Variants in TRIM23 observed in about 807,000 individuals in gnomAD.
The protein encoded by TRIM23 is tripartite motif containing 23.
A neutral mutation model predicts 71.0 loss-of-function variants in TRIM23; 27 were observed. The observed-to-expected ratio is 0.38, with a 90% CI of 0.28 to 0.52. TRIM23 has a LOEUF of 0.52. Ranked by LOEUF, TRIM23 falls within the 20% of genes least tolerant of loss-of-function variation. The pLI is 0.84. For synonymous variants in TRIM23, 234 were observed against 238.0 expected (o/e 0.98, Z 0.16); for missense variants, 482 against 692.3 (o/e 0.70, Z 3.41).
intron 7 of TRIM23, among the ~76,000 whole-genome samples, chr5:65,604,490 T>C (rs1325429911): frequency 1.3e-5 from 2 of 152,074 alleles, no homozygotes; most frequent in Non-Finnish European, 1.5e-5. Context: ...TAATATGATA[T>C]TAGGATTTGC....
intron 3 of TRIM23, 36 bp from the exon 4 acceptor site, chr5:65,611,917 C>T (rs762599494): frequency 2.5e-6 from 4 of 1,590,378 alleles, no homozygotes; most frequent in Non-Finnish European, 3.4e-6. Flanking sequence ...AAAATTGAAC[C>T]CAATCAGTAT....
chr5:65,595,333 G>A (rs569496724), intron 9 of TRIM23, among the ~76,000 whole-genome samples: 17 of 152,040 alleles, frequency 1.1e-4, no homozygotes, highest in South Asian at 8.3e-4. Context: ...CAAGACGGGC[G>A]GATCACGAGG....
At position 65,620,742 on chromosome 5, in the gene TRIM23, T is replaced by A. The variant is rs558853221; in HGVS notation, c.82-2487A>T. ...TTATTCATATATACACATACTTCAA[T>A]TTATCCTACATTTTTTAAAAAGGGG... On this transcript the variant is annotated intron_variant, in intron 1 of 10. Coordinates refer to ENST00000231524, the MANE Select transcript of TRIM23 (RefSeq NM_001656.4). 1.1e-4 allele frequency among the ~76,000 whole-genome samples: 17 copies of A among 151,378 alleles called. No homozygotes were observed. In the East Asian group the frequency reaches 3.1e-3, roughly 28 times the overall value.
Position 65,596,430 on chromosome 5 carries a change from T to C in TRIM23, c.1411A>G (p.Asn471Asp), listed in dbSNP as rs1426722088. Reference sequence around the variant, plus strand: ...CATTTTTAACTCTCACCTTGAGTATTGAGGTAATAATGTTTCCACAATGGT... The same window carrying C: ...CATTTTTAACTCTCACCTTGAGTATCGAGGTAATAATGTTTCCACAATGGT... ...LRPLWKHYYL[N>D]TQAVVFVVDS... Residue 471 changes from asparagine (N) to aspartate (D), a missense_variant, in exon 9 of 11, where the codon AAT becomes GAT. By Grantham distance (23) the Asn-to-Asp change is conservative. Coordinates refer to ENST00000231524, the MANE Select transcript of TRIM23 (RefSeq NM_001656.4). The C allele has an allele frequency of 6.3e-7, 1 of 1,589,054 alleles. No homozygotes were observed. The highest frequency in any genetic ancestry group is 8.6e-7 in the Non-Finnish European group (1 of 1,159,150).
intron 2 of TRIM23, 87 bp from the exon 3 acceptor site, chr5:65,614,306 A>T: frequency 8.0e-7 from 1 of 1,245,948 alleles, no homozygotes; most frequent in East Asian, 2.4e-5. Context: ...TTTCTAATAT[A>T]GTTCAGTAGT....
rs745386520 is a variant in TRIM23, at chr5:65,610,897, G to C, written c.792C>G (p.Ile264Met). 14 of 1,611,602 alleles carry C rather than the reference G, an allele frequency of 8.7e-6. No individual in the cohort carries two copies. The highest frequency in any genetic ancestry group is 1.1e-5 in the Non-Finnish European group (13 of 1,179,266). Residue 264 changes from isoleucine (I) to methionine (M), a missense_variant, in exon 5 of 11, where the codon ATC (isoleucine) becomes ATG (methionine). Transcript: ENST00000231524. ...IVQHIEGGEQ[I>M]VEDGIGMAHT... ...GAGCCATTCCAATTCCATCTTCCAC[G>C]ATTTGTTCTCCTCCTTCAATGTGCT... is the stretch of plus-strand genomic sequence containing the variant.
rs1561756098 is a variant in TRIM23, at chr5:65,624,330, G to C, written c.-56C>G. ...TTCAGAGTCCTCAACTGAGAGGCGGGGTTGAGCCACCTACCCAGAGGCCTC... is the reference window on the plus strand; with the variant it reads ...TTCAGAGTCCTCAACTGAGAGGCGGCGTTGAGCCACCTACCCAGAGGCCTC... On this transcript the variant is annotated 5_prime_UTR_variant, in exon 1 of 11. Coordinates refer to ENST00000231524, the MANE Select transcript of TRIM23 (RefSeq NM_001656.4). 4 of 1,591,074 alleles carry C rather than the reference G, an allele frequency of 2.5e-6. No homozygotes were observed. Among genetic ancestry groups the C allele is most frequent in the East Asian group, 4.6e-5 (2 of 43,792 alleles).
intron 10 of TRIM23, among the ~76,000 whole-genome samples, chr5:65,593,283 A>C (rs1292894365): frequency 6.6e-6 from 1 of 151,988 alleles, no homozygotes; most frequent in African/African-American, 2.4e-5. Context: ...AAAAATACAA[A>C]AGTTAGCCGG....
chr5:65,590,811 T>A lies in TRIM23; in HGVS notation c.*958A>T. The A allele has an allele frequency of 1.0e-6, 1 of 985,466 alleles. No homozygotes were observed. Among genetic ancestry groups the A allele is most frequent in the Non-Finnish European group, 1.2e-6 (1 of 829,976 alleles). The allele number at this position is 985,466 out of a possible 1,614,324, so 61.0% of individuals were successfully genotyped here. A position where few individuals can be genotyped will look rare whatever the true frequency, so the allele number is the denominator to read the frequency against. On this transcript the variant is annotated 3_prime_UTR_variant, in exon 11 of 11. Coordinates refer to ENST00000231524, the MANE Select transcript of TRIM23 (RefSeq NM_001656.4). The stretch of plus-strand genomic sequence containing the variant: ...AACAGTTTGAAGTAAGTAATAAGCA[T>A]TTGCCACTGTACTTACAACTTCTCT...
intron 7 of TRIM23, among the ~76,000 whole-genome samples, chr5:65,602,071 T>C (rs981119524): frequency 3.3e-5 from 5 of 152,272 alleles, no homozygotes; most frequent in African/African-American, 1.2e-4. Context: ...TTGCTACTTA[T>C]GCAAATTTCT....
chr5:65,616,079 A>G (rs1754770884), intron 2 of TRIM23, among the ~76,000 whole-genome samples: 1 of 152,210 alleles, frequency 6.6e-6, no homozygotes, highest in Non-Finnish European at 1.5e-5. Context: ...TCACTGATCA[A>G]TGAACATCAC....
intron 7 of TRIM23, among the ~76,000 whole-genome samples, chr5:65,601,280 G>A (rs898551821): frequency 6.6e-6 from 1 of 152,144 alleles, no homozygotes; most frequent in Non-Finnish European, 1.5e-5. Context: ...ACAAAATGTG[G>A]TATACACATT....
intron 1 of TRIM23, among the ~76,000 whole-genome samples, chr5:65,621,798 G>GATT (rs112686367): frequency 0.64 from 96,440 of 150,870 alleles, 31,136 homozygotes; most frequent in African/African-American, 0.69. Context: ...TAATCAATCA[G>GATT]ATATTTTATT....
At position 65,591,656 on chromosome 5, in the gene TRIM23, T is replaced by TATATATATAC; in HGVS notation, c.*112_*113insGTATATATAT. Reference sequence around the variant, plus strand: ...AATCCAAGATTCCTTTATATATATATATATATATATGCATCCTAAATTACC... The same window carrying TATATATATAC: ...AATCCAAGATTCCTTTATATATATATATATATATACATATATATATGCATCCTAAATTACC... On this transcript the variant is annotated 3_prime_UTR_variant, in exon 11 of 11. Transcript: ENST00000231524. 2.1e-6 allele frequency: 2 copies of TATATATATAC among 944,892 alleles called. No individual in the cohort carries two copies. The highest frequency in any genetic ancestry group is 2.8e-6 in the Non-Finnish European group (2 of 710,296). 58.5% of individuals were successfully genotyped at this position (944,892 alleles called of 1,614,324 possible). A position where few individuals can be genotyped will look rare whatever the true frequency, so the allele number is the denominator to read the frequency against.
At position 65,605,278 on chromosome 5, in the gene TRIM23, A is replaced by C. The variant is rs147917311; in HGVS notation, c.1045-233T>G. ...GGAACACTACATCACAGTGAGAATA[A>C]ACCATAGCTACACGTGATGATAGAA... On this transcript the variant is annotated intron_variant, in intron 6 of 10. Coordinates refer to ENST00000231524, the MANE Select transcript of TRIM23 (RefSeq NM_001656.4). Among the ~76,000 whole-genome samples, 6 of 152,356 alleles carry C rather than the reference A, an allele frequency of 3.9e-5. No homozygotes were observed. In the East Asian group the frequency reaches 1.2e-3, roughly 29 times the overall value.
chr5:65,604,086 C>T (rs1363842285), intron 7 of TRIM23, among the ~76,000 whole-genome samples: 2 of 151,800 alleles, frequency 1.3e-5, no homozygotes, highest in Non-Finnish European at 2.9e-5. Context: ...GCCACCATGC[C>T]CAATTATGTT....
chr5:65,593,200 T>C (rs1166418973), intron 10 of TRIM23, among the ~76,000 whole-genome samples: 3 of 152,116 alleles, frequency 2.0e-5, no homozygotes, highest in Non-Finnish European at 2.9e-5. Context: ...TTTGGGAGGA[T>C]GAGGCGGGCA....
intron 2 of TRIM23, among the ~76,000 whole-genome samples, chr5:65,614,506 G>A (rs1271368618): frequency 1.3e-5 from 2 of 152,016 alleles, no homozygotes; most frequent in East Asian, 1.9e-4. Context: ...AGGCTGAGGC[G>A]GACAGATCAC....
In TRIM23 at chr5:65,624,327, C is replaced by CG. The variant is rs1212296223; in HGVS notation, c.-54dup. ...GCCTTCAGAGTCCTCAACTGAGAGGCGGGGTTGAGCCACCTACCCAGAGGC... is the reference window on the plus strand; with the variant it reads ...GCCTTCAGAGTCCTCAACTGAGAGGCGGGGGTTGAGCCACCTACCCAGAGGC... On this transcript the variant is annotated 5_prime_UTR_variant, in exon 1 of 11. Transcript: ENST00000231524. 21 of 1,594,454 alleles carry CG rather than the reference C, an allele frequency of 1.3e-5. No homozygotes were observed. Among genetic ancestry groups the CG allele is most frequent in the South Asian group, 7.8e-5 (7 of 89,514 alleles).
Sources: allele counts gnomAD v4.1 joint callset (sites outside exome capture counted in the v4.1 genomes callset), GRCh38; gene constraint gnomAD v4.1.1; transcripts MANE v1.5; gene names NCBI Gene and HGNC (gene_info 2026-07-23, HGNC 2026-07-21).